The following CYP4F22 variants were observed in gnomAD, a reference collection of about 807,000 sequenced individuals.
CYP4F22 encodes ultra-long-chain fatty acid omega-hydroxylase.
In CYP4F22, 37 loss-of-function variants were observed where a neutral mutation model predicts 60.4. The ratio of observed to expected loss-of-function variants is 0.61; its 90% CI spans 0.47 to 0.81. CYP4F22 has a LOEUF of 0.81. Ranked by LOEUF, CYP4F22 falls within the 30% of genes least tolerant of loss-of-function variation. CYP4F22 has a pLI of 0.00. For synonymous variants in CYP4F22, 258 were observed against 280.5 expected (o/e 0.92, Z 0.80); for missense variants, 655 against 715.0 (o/e 0.92, Z 0.96).
chr19:15,527,385 T>TA (rs1428233912), intron 3 of CYP4F22, among the ~76,000 whole-genome samples: 1 of 152,226 alleles, frequency 6.6e-6, no homozygotes, highest in Non-Finnish European at 1.5e-5. Context: ...CCCACTCCTG[T>TA]AACAAGGCTC....
chr19:15,534,275 G>A (rs1971372798), intron 4 of CYP4F22, among the ~76,000 whole-genome samples: 1 of 152,172 alleles, frequency 6.6e-6, no homozygotes, highest in Admixed American at 6.6e-5. Flanking sequence ...CTTTGGCAGT[G>A]GTAACATGTC....
At chr19:15,522,902 G>A (rs1411017233) in intron 1 of CYP4F22, among the ~76,000 whole-genome samples, 1 of 151,578 alleles carries the variant, frequency 6.6e-6, no homozygotes, top group African/African-American at 2.4e-5. Flanking sequence ...GTAGAGATGG[G>A]GTTTCACCAT....
intron 4 of CYP4F22, among the ~76,000 whole-genome samples, chr19:15,532,639 C>T (rs755082966): frequency 1.3e-5 from 2 of 151,976 alleles, no homozygotes. Flanking sequence ...GCCTTGGCCT[C>T]TCAAAGTGCT....
chr19:15,535,926 G>C (rs1448794614), intron 4 of CYP4F22, among the ~76,000 whole-genome samples: 6 of 152,194 alleles, frequency 3.9e-5, no homozygotes, highest in Admixed American at 1.3e-4. Flanking sequence ...GGTCAGGGGT[G>C]GGGAGAAGCA....
chr19:15,509,392 C>T lies in CYP4F22; in HGVS notation c.-109+809C>T, dbSNP rs375791623. Reference sequence around the variant, plus strand: ...TGCACTCATTGTGAGTCTCACCGCCCTGTAGGCAAAGGAGATGGCCAGGGC... The same window carrying T: ...TGCACTCATTGTGAGTCTCACCGCCTTGTAGGCAAAGGAGATGGCCAGGGC... On this transcript the variant is annotated intron_variant, in intron 1 of 13. Transcript: ENST00000269703. Among the ~76,000 whole-genome samples, 83 of 152,278 alleles carry T rather than the reference C, an allele frequency of 5.5e-4. 2 individuals carry two copies. Among genetic ancestry groups the T allele is most frequent in the African/African-American group, 2.0e-3 (82 of 41,560 alleles).
chr19:15,536,392 G>A (rs1971395111), intron 4 of CYP4F22, among the ~76,000 whole-genome samples: 1 of 152,132 alleles, frequency 6.6e-6, no homozygotes, highest in Non-Finnish European at 1.5e-5. Flanking sequence ...GTCGAATAGG[G>A]GGTGGAAGAC....
intron 1 of CYP4F22, among the ~76,000 whole-genome samples, chr19:15,511,936 G>A (rs934084270): frequency 1.7e-4 from 26 of 152,320 alleles, no homozygotes; most frequent in East Asian, 5.8e-4. Flanking sequence ...CAGATAATGC[G>A]GGCCCTGGCA....
intron 4 of CYP4F22, among the ~76,000 whole-genome samples, chr19:15,532,650 G>T (rs1307222163): frequency 6.6e-6 from 1 of 151,732 alleles, no homozygotes; most frequent in East Asian, 2.0e-4. Context: ...TCAAAGTGCT[G>T]GGATTACAGG....
chr19:15,520,999 C>T (rs1971218713), intron 1 of CYP4F22, among the ~76,000 whole-genome samples: 1 of 151,828 alleles, frequency 6.6e-6, no homozygotes, highest in African/African-American at 2.4e-5. Flanking sequence ...GATTTCCTGA[C>T]CTCATGATCT....
At chr19:15,535,569 C>T (rs910372134) in intron 4 of CYP4F22, among the ~76,000 whole-genome samples, 4 of 152,234 alleles carry the variant, frequency 2.6e-5, no homozygotes, top group East Asian at 1.9e-4. Context: ...CATCCATCCA[C>T]TCATTCATTC....
At chr19:15,538,165 T>G (rs1320531119) in intron 7 of CYP4F22, among the ~76,000 whole-genome samples, 172 bp downstream of exon 7, 1 of 152,024 alleles carries the variant, frequency 6.6e-6, no homozygotes, top group African/African-American at 2.4e-5. Context: ...CTTTTTTTTT[T>G]AATCAAAAAA....
At chr19:15,542,376 A>G (rs1599811789) in intron 8 of CYP4F22, among the ~76,000 whole-genome samples, 1 of 23,864 alleles carries the variant, frequency 4.2e-5, no homozygotes, top group East Asian at 1.2e-3. Flanking sequence ...TACTAAAAAT[A>G]AAAAAAAAAT....
chr19:15,526,449 C>A (rs1971284110), intron 3 of CYP4F22, among the ~76,000 whole-genome samples: 1 of 152,204 alleles, frequency 6.6e-6, no homozygotes, highest in African/African-American at 2.4e-5. Flanking sequence ...TGGCCTCAGC[C>A]TGCTGAGTCC....
At chr19:15,510,120 T>C (rs1364738596) in intron 1 of CYP4F22, among the ~76,000 whole-genome samples, 1 of 151,896 alleles carries the variant, frequency 6.6e-6, no homozygotes, top group Non-Finnish European at 1.5e-5. Flanking sequence ...TATGGAGGAC[T>C]ACAGGCATGC....
At chr19:15,510,797 AATTTAG>A (rs142245180) in intron 1 of CYP4F22, among the ~76,000 whole-genome samples, 4,838 of 151,490 alleles carry the variant, frequency 0.032, 99 homozygotes, top group Middle Eastern at 0.092. Context: ...GAACCTTAGA[AATTTAG>A]AGTGCTGAGT....
Position 15,551,532 on chromosome 19 carries a change from C to G in CYP4F22, c.*61C>G. On this transcript the variant is annotated 3_prime_UTR_variant, in exon 14 of 14. Transcript: ENST00000269703. ...GCCCCGCCCCCAAAGGACCAGGACT[C>G]GCCCCAAAGATCCCGAGGGCATAGG... 3 of 1,524,162 alleles carry G rather than the reference C, an allele frequency of 2.0e-6. No homozygotes were observed. The highest frequency in any genetic ancestry group is 2.6e-6 in the Non-Finnish European group (3 of 1,134,680). 94.4% of individuals were successfully genotyped at this position (1,524,162 alleles called of 1,614,324 possible).
chr19:15,551,188 T>G, intron 13 of CYP4F22, 106 bp from the exon 14 acceptor site: 1 of 1,460,782 alleles, frequency 6.8e-7, no homozygotes, highest in Non-Finnish European at 9.4e-7. Context: ...ACTTTAACCC[T>G]CAGCCAGCCC....
chr19:15,539,303 T>C (rs1342545046), intron 7 of CYP4F22, among the ~76,000 whole-genome samples: 1 of 152,246 alleles, frequency 6.6e-6, no homozygotes, highest in African/African-American at 2.4e-5. Context: ...CAGACTTTTG[T>C]GTCTGGCTTG....
chr19:15,537,277 GA>G, intron 4 of CYP4F22, 83 bp from the exon 5 acceptor site: 1 of 1,566,592 alleles, frequency 6.4e-7, no homozygotes, highest in Non-Finnish European at 8.8e-7. Flanking sequence ...CTCCAGCCTG[GA>G]TGACAGAGCA....
Sources: allele counts gnomAD v4.1 joint callset (sites outside exome capture counted in the v4.1 genomes callset), GRCh38; gene constraint gnomAD v4.1.1; transcripts MANE v1.5; gene names NCBI Gene and HGNC (gene_info 2026-07-23, HGNC 2026-07-21).